The following MARCHF7 variants were observed in gnomAD, a reference collection of about 807,000 sequenced individuals.
MARCHF7 encodes E3 ubiquitin-protein ligase MARCHF7.
A neutral mutation model predicts 76.5 loss-of-function variants in MARCHF7; 20 were observed. That is an observed-to-expected ratio of 0.26 (90% CI 0.18 to 0.38). The LOEUF (loss-of-function observed/expected upper bound fraction) is 0.38, where lower values mean the gene tolerates loss of function less well. Among genes scored for constraint, MARCHF7 ranks in the 10% least tolerant of loss-of-function variants. The pLI is 1.00. For synonymous variants in MARCHF7, 295 were observed against 293.0 expected (o/e 1.01, Z -0.07); for missense variants, 797 against 812.9 (o/e 0.98, Z 0.24).
chr2:159,747,801 A>G lies in MARCHF7; in HGVS notation c.515-4A>G. 6.4e-7 allele frequency: 1 copy of G among 1,552,372 alleles called. No homozygotes were observed. Among genetic ancestry groups the G allele is most frequent in the South Asian group, 1.2e-5 (1 of 82,036 alleles). ...GTAATTGGTTATCTTCCTTTCAAAA[A>G]TAGATGTTCAAGACAGAGTTCCTTC... On this transcript the variant is annotated splice_polypyrimidine_tract_variant and splice_region_variant and intron_variant, in intron 6 of 11. Coordinates refer to ENST00000409175, the MANE Select transcript of MARCHF7 (RefSeq NM_001282805.2).
At chr2:159,764,402 T>C (rs544108819) in intron 10 of MARCHF7, among the ~76,000 whole-genome samples, 27 of 152,164 alleles carry the variant, frequency 1.8e-4, no homozygotes, top group African/African-American at 6.0e-4. Context: ...CTGCTCCCAA[T>C]TTTAAAAAAC....
At chr2:159,766,897 A>G (rs750726195) in intron 11 of MARCHF7, among the ~76,000 whole-genome samples, 20 of 152,168 alleles carry the variant, frequency 1.3e-4, no homozygotes, top group Non-Finnish European at 1.5e-5. Flanking sequence ...TGCAGCGGTA[A>G]TAAGCCAGAT....
chr2:159,735,429 A>T (rs1266410139), intron 4 of MARCHF7, among the ~76,000 whole-genome samples: 1 of 152,202 alleles, frequency 6.6e-6, no homozygotes, highest in Non-Finnish European at 1.5e-5. Context: ...AGTAGTCTTC[A>T]GTATATTCAC....
chr2:159,747,883 C>T lies in MARCHF7; in HGVS notation c.593C>T (p.Thr198Ile), dbSNP rs139870860. The change falls in exon 7 of 12, where the codon ACA becomes ATA. Residue 198 changes from threonine (T) to isoleucine (I), a missense_variant. Around this residue, in one of 3 missense-constraint regions of MARCHF7, gnomAD observed 643 missense variants for 631.5 expected, o/e 1.02. Transcript: ENST00000409175. ...ENSMSTLQLN[T>I]SSTNHQLPSE... Reference sequence around the variant, plus strand: ...TCAATGAGCACTTTACAGTTGAATACATCATCCACAAACCACCAATTGCCT... The same window carrying T: ...TCAATGAGCACTTTACAGTTGAATATATCATCCACAAACCACCAATTGCCT... 5 of 1,613,958 alleles carry T rather than the reference C, an allele frequency of 3.1e-6. No individual in the cohort carries two copies. The South Asian group carries it at 4.4e-5, about 14-fold the overall frequency.
At position 159,752,384 on chromosome 2, in the gene MARCHF7, A is replaced by G. The variant is rs774687777; in HGVS notation, c.1614-18A>G. On this transcript the variant is annotated intron_variant, in intron 7 of 11. Coordinates refer to ENST00000409175, the MANE Select transcript of MARCHF7 (RefSeq NM_001282805.2). Reference sequence around the variant, plus strand: ...GGATGAGTTATGATAGCTTTGGGAAATGTGCCTTCTTTTCCAGCCTCCTTT... The same window carrying G: ...GGATGAGTTATGATAGCTTTGGGAAGTGTGCCTTCTTTTCCAGCCTCCTTT... 6.4e-7 allele frequency: 1 copy of G among 1,558,122 alleles called. No homozygotes were observed. Among genetic ancestry groups the G allele is most frequent in the Non-Finnish European group, 8.7e-7 (1 of 1,154,026 alleles).
chr2:159,736,613 T>G (rs985465802), intron 4 of MARCHF7, among the ~76,000 whole-genome samples: 1 of 152,210 alleles, frequency 6.6e-6, no homozygotes, highest in African/African-American at 2.4e-5. Flanking sequence ...GAAAATATTT[T>G]AAAACCTTAG....
At chr2:159,759,205 T>A (rs1396226203) in intron 8 of MARCHF7, 21 bp from the exon 9 acceptor site, 1 of 1,347,590 alleles carries the variant, frequency 7.4e-7, no homozygotes, top group Non-Finnish European at 1.1e-6. Flanking sequence ...TAAGCTTTAT[T>A]TGTAATTTAA....
At position 159,769,817 on chromosome 2, in the gene MARCHF7, G is replaced by GA. The variant is rs1201202755; in HGVS notation, c.*2476dup. On this transcript the variant is annotated 3_prime_UTR_variant, in exon 12 of 12. Transcript: ENST00000409175. ...TGTATGGGAGTTGAGTGGAAGGTAG[G>GA]ATTTAAGAGCAGCACTGCCCAATAA... 6.6e-6 allele frequency: 1 copy of GA among 152,172 alleles called. No homozygotes were observed. Among genetic ancestry groups the GA allele is most frequent in the Non-Finnish European group, 1.5e-5 (1 of 68,018 alleles). 9.4% of individuals were successfully genotyped at this position (152,172 alleles called of 1,614,324 possible). A position where few individuals can be genotyped will look rare whatever the true frequency, so the allele number is the denominator to read the frequency against.
rs1262304195 is a variant in MARCHF7, at chr2:159,769,114, CAA to C, written c.*1775_*1776del. On this transcript the variant is annotated 3_prime_UTR_variant, in exon 12 of 12. Coordinates refer to ENST00000409175, the MANE Select transcript of MARCHF7 (RefSeq NM_001282805.2). The stretch of plus-strand genomic sequence containing the variant: ...TTGGTTATCAGTTTTAAATTCTGAA[CAA>C]AAGAGACCATACACTGCTCACTACA... 2.6e-5 allele frequency: 4 copies of C among 152,208 alleles called. No homozygotes were observed. In the East Asian group the frequency reaches 7.7e-4, roughly 29 times the overall value. The allele number at this position is 152,208 out of a possible 1,614,324, so 9.4% of individuals were successfully genotyped here.
chr2:159,714,061 A>C (rs1231637914), intron 1 of MARCHF7, among the ~76,000 whole-genome samples: 2 of 152,220 alleles, frequency 1.3e-5, no homozygotes, highest in Admixed American at 6.5e-5. Context: ...GTTATGTTCT[A>C]CATGAAGGTG....
Position 159,767,815 on chromosome 2 carries a change from T to C in MARCHF7, c.*473T>C, listed in dbSNP as rs1319414126. 6.6e-6 allele frequency: 1 copy of C among 152,574 alleles called. No individual in the cohort carries two copies. Among genetic ancestry groups the C allele is most frequent in the African/African-American group, 2.4e-5 (1 of 41,448 alleles). 9.5% of individuals were successfully genotyped at this position (152,574 alleles called of 1,614,324 possible). Reference sequence around the variant, plus strand: ...TTAAGTTGCAGTCTCATTTTGATAATCATTTGCTTCCAGTGTTTAAAAATT... The same window carrying C: ...TTAAGTTGCAGTCTCATTTTGATAACCATTTGCTTCCAGTGTTTAAAAATT... On this transcript the variant is annotated 3_prime_UTR_variant, in exon 12 of 12. Transcript: ENST00000409175.
chr2:159,737,716 A>G (rs1336778451), intron 4 of MARCHF7, among the ~76,000 whole-genome samples: 1 of 152,136 alleles, frequency 6.6e-6, no homozygotes, highest in Non-Finnish European at 1.5e-5. Context: ...TGGGCCCAGG[A>G]AGTCAAGGCC....
Position 159,748,502 on chromosome 2 carries a change from G to A in MARCHF7, c.1212G>A (p.Glu404=), listed in dbSNP as rs1574369089. 2 of 1,614,068 alleles carry A rather than the reference G, an allele frequency of 1.2e-6. No homozygotes were observed. The highest frequency in any genetic ancestry group is 1.7e-6 in the Non-Finnish European group (2 of 1,179,986). ...CTPLFSRRRR[E]GRDESSRIPT... ...CTTTGTTCTCTAGAAGGAGGCGAGA[G>A]GGAAGAGATGAATCTTCAAGGATAC... Residue 404 remains glutamate (E), a synonymous_variant, in exon 7 of 12, where the codon GAG becomes GAA. Transcript: ENST00000409175.
In MARCHF7 at chr2:159,770,126, A is replaced by T. The variant is rs1560037269; in HGVS notation, c.*2784A>T. The T allele has an allele frequency of 6.6e-6, 1 of 151,692 alleles. No individual in the cohort carries two copies. Among genetic ancestry groups the T allele is most frequent in the Non-Finnish European group, 1.5e-5 (1 of 67,930 alleles). 9.4% of individuals were successfully genotyped at this position (151,692 alleles called of 1,614,324 possible). A position where few individuals can be genotyped will look rare whatever the true frequency, so the allele number is the denominator to read the frequency against. ...TCTTTTAGTTCACATAATACGCCAT[A>T]TTTTTTTTACTGTGCCTGTAGTTCT... On this transcript the variant is annotated 3_prime_UTR_variant, in exon 12 of 12. Coordinates refer to ENST00000409175, the MANE Select transcript of MARCHF7 (RefSeq NM_001282805.2).
At position 159,770,445 on chromosome 2, in the gene MARCHF7, G is replaced by A. The variant is rs1292161937; in HGVS notation, c.*3103G>A. 6.6e-6 allele frequency: 1 copy of A among 151,946 alleles called. No individual in the cohort carries two copies. The highest frequency in any genetic ancestry group is 1.9e-4 in the East Asian group (1 of 5,176). 9.4% of individuals were successfully genotyped at this position (151,946 alleles called of 1,614,324 possible). On this transcript the variant is annotated 3_prime_UTR_variant, in exon 12 of 12. Transcript: ENST00000409175. ...TGTGATGAGTGTTTTCGATTCATGT[G>A]GTCAATAAAAAGAGACTACACAAGC...
intron 4 of MARCHF7, chr2:159,734,072 C>T: frequency 7.4e-7 from 1 of 1,356,746 alleles, no homozygotes; most frequent in Non-Finnish European, 9.7e-7. Flanking sequence ...CATCTTATGT[C>T]TTTAGTAACA....
chr2:159,760,242 T>C (rs1263816787), intron 9 of MARCHF7, among the ~76,000 whole-genome samples: 1 of 152,232 alleles, frequency 6.6e-6, no homozygotes, highest in Non-Finnish European at 1.5e-5. Flanking sequence ...TTTTTAAATG[T>C]GGGAATAATA....
At chr2:159,739,986 C>T (rs1246700151) in intron 4 of MARCHF7, among the ~76,000 whole-genome samples, 2 of 152,142 alleles carry the variant, frequency 1.3e-5, no homozygotes, top group Admixed American at 1.3e-4. Context: ...ATCTGCTCCC[C>T]TATAATCAGT....
At chr2:159,731,569 A>G (rs373557353) in intron 4 of MARCHF7, among the ~76,000 whole-genome samples, 2 of 151,488 alleles carry the variant, frequency 1.3e-5, no homozygotes, top group East Asian at 1.9e-4. Context: ...AGCCTAACCA[A>G]CATGGAGAAA....
Sources: gnomAD v4.1 joint callset for allele counts (sites outside exome capture counted in the v4.1 genomes callset) on GRCh38, gnomAD v4.1.1 for gene constraint, gnomAD v4.1.1 regional missense constraint, MANE v1.5 for transcripts, NCBI Gene and HGNC (gene_info 2026-07-23, HGNC 2026-07-21) for gene names.